RYR2: variants seen among roughly 807,000 people sequenced by gnomAD.
The protein encoded by RYR2 is ryanodine receptor 2.
In RYR2, 227 loss-of-function variants were observed where a neutral mutation model predicts 601.1. The observed-to-expected ratio is 0.38, with a 90% confidence interval of 0.34 to 0.42. The LOEUF is 0.42. Among genes scored for constraint, RYR2 ranks in the 10% least tolerant of loss-of-function variants. RYR2 has a pLI of 1.00. For synonymous variants in RYR2, 2,223 were observed against 2,175.1 expected (o/e 1.02, Z -0.61); for missense variants, 4,646 against 6,156.5 (o/e 0.75, Z 8.21).
chr1:237,807,091 A>G (rs921281181), intron 99 of RYR2, among the ~76,000 whole-genome samples: 7 of 152,178 alleles, frequency 4.6e-5, no homozygotes, highest in African/African-American at 1.7e-4. Context: ...AGTCCACATT[A>G]TCATCAGTTT....
At chr1:237,558,339 G>A (rs1671111634) in intron 27 of RYR2, among the ~76,000 whole-genome samples, 2 of 152,170 alleles carry the variant, frequency 1.3e-5, no homozygotes, top group South Asian at 4.1e-4. Context: ...AGGCTGGACT[G>A]GATTAGAAGC....
At chr1:237,497,292 A>C (rs1323556912) in intron 20 of RYR2, among the ~76,000 whole-genome samples, 1 of 152,232 alleles carries the variant, frequency 6.6e-6, no homozygotes, top group Non-Finnish European at 1.5e-5. Context: ...CAGAAGTATA[A>C]AATGGTTTAA....
intron 1 of RYR2, among the ~76,000 whole-genome samples, chr1:237,099,034 A>G (rs547944127): frequency 6.6e-6 from 1 of 152,274 alleles, no homozygotes; most frequent in South Asian, 2.1e-4. Flanking sequence ...CGGGGACAAC[A>G]AGCCACCTTC....
intron 12 of RYR2, among the ~76,000 whole-genome samples, chr1:237,432,264 G>A (rs1706897450): frequency 1.3e-5 from 2 of 151,940 alleles, no homozygotes; most frequent in African/African-American, 2.4e-5. Context: ...ATTATTCAAG[G>A]CATTTAATAT....
At chr1:237,060,422 A>G (rs908254430) in intron 1 of RYR2, among the ~76,000 whole-genome samples, 1 of 152,216 alleles carries the variant, frequency 6.6e-6, no homozygotes, top group Non-Finnish European at 1.5e-5. Context: ...GAAGTGTAAT[A>G]TATTAACATA....
chr1:237,715,747 G>A (rs1305912236), intron 71 of RYR2, among the ~76,000 whole-genome samples: 5 of 152,006 alleles, frequency 3.3e-5, no homozygotes, highest in Admixed American at 3.3e-4. Context: ...ACTATATTGG[G>A]GATGTCGCTT....
At chr1:237,795,860 A>G (rs1356137309) in intron 96 of RYR2, among the ~76,000 whole-genome samples, 9 of 138,820 alleles carry the variant, frequency 6.5e-5, no homozygotes, top group African/African-American at 2.7e-4. Flanking sequence ...GTATATGTAT[A>G]TATATATATA....
intron 79 of RYR2, among the ~76,000 whole-genome samples, chr1:237,741,482 G>T (rs2149207718): frequency 6.6e-6 from 1 of 152,228 alleles, no homozygotes; most frequent in South Asian, 2.1e-4. Context: ...GAGCTGTAGG[G>T]TTCTTCCTAC....
chr1:237,548,037 A>G (rs1670004140), intron 25 of RYR2, among the ~76,000 whole-genome samples: 1 of 152,266 alleles, frequency 6.6e-6, no homozygotes, highest in Non-Finnish European at 1.5e-5. Flanking sequence ...ACATTAATCT[A>G]ACATTTAACA....
At chr1:237,137,634 A>G (rs1417152419) in intron 1 of RYR2, among the ~76,000 whole-genome samples, 2 of 152,216 alleles carry the variant, frequency 1.3e-5, no homozygotes, top group Non-Finnish European at 2.9e-5. Flanking sequence ...GTTTATCTGT[A>G]CAGATAAGAT....
chr1:237,532,110 T>G (rs1324383831), intron 25 of RYR2, among the ~76,000 whole-genome samples: 4 of 151,726 alleles, frequency 2.6e-5, no homozygotes, highest in Admixed American at 1.3e-4. Context: ...AGTTAAAATT[T>G]TCCTCCTGAG....
intron 1 of RYR2, among the ~76,000 whole-genome samples, chr1:237,190,030 G>A (rs1037216779): frequency 2.0e-5 from 3 of 151,690 alleles, no homozygotes; most frequent in Non-Finnish European, 2.9e-5. Flanking sequence ...CTACCACCAC[G>A]CCCAGCTAAT....
intron 56 of RYR2, among the ~76,000 whole-genome samples, chr1:237,661,661 C>G (rs1294676443): frequency 6.6e-6 from 1 of 152,042 alleles, no homozygotes; most frequent in Non-Finnish European, 1.5e-5. Flanking sequence ...GTAGGGTGTT[C>G]AGACAGTCAT....
At chr1:237,139,510 G>A (rs1188841293) in intron 1 of RYR2, among the ~76,000 whole-genome samples, 1 of 152,162 alleles carries the variant, frequency 6.6e-6, no homozygotes, top group Non-Finnish European at 1.5e-5. Context: ...TATATCTCAA[G>A]CCATTATTTA....
At chr1:237,478,119 T>C (rs1661608875) in intron 17 of RYR2, among the ~76,000 whole-genome samples, 1 of 106,354 alleles carries the variant, frequency 9.4e-6, no homozygotes. Flanking sequence ...TATTTCATTA[T>C]CAAAAACAGG....
chr1:237,099,536 C>A (rs1408970151), intron 1 of RYR2, among the ~76,000 whole-genome samples: 2 of 152,142 alleles, frequency 1.3e-5, no homozygotes, highest in Non-Finnish European at 2.9e-5. Flanking sequence ...CTGTACCCAG[C>A]CTCTCAATAG....
chr1:237,363,425 A>G (rs1341502569), intron 4 of RYR2, among the ~76,000 whole-genome samples: 4 of 152,104 alleles, frequency 2.6e-5, no homozygotes, highest in Admixed American at 1.3e-4. Flanking sequence ...TAATATACAT[A>G]TTACTATGTA....
At chr1:237,352,660 T>G (rs1698958539) in intron 3 of RYR2, among the ~76,000 whole-genome samples, 1 of 152,170 alleles carries the variant, frequency 6.6e-6, no homozygotes, top group African/African-American at 2.4e-5. Flanking sequence ...AAGAACAAGG[T>G]TAGAGTCTTT....
At chr1:237,579,839 A>G (rs1673692121) in intron 29 of RYR2, among the ~76,000 whole-genome samples, 1 of 152,178 alleles carries the variant, frequency 6.6e-6, no homozygotes. Context: ...TCCCTTACAG[A>G]ATATATCATA....
Sources: allele counts gnomAD v4.1 joint callset (sites outside exome capture counted in the v4.1 genomes callset), GRCh38; gene constraint gnomAD v4.1.1; transcripts MANE v1.5; gene names NCBI Gene and HGNC (gene_info 2026-07-23, HGNC 2026-07-21).